CADPS: variants seen among roughly 807,000 people sequenced by gnomAD.
CADPS encodes calcium dependent secretion activator.
CADPS carries 57 observed loss-of-function variants against 167.3 expected under a neutral mutation model. The observed-to-expected ratio is 0.34, with a 90% CI of 0.28 to 0.42. CADPS has a LOEUF of 0.42. CADPS is among the 20% of genes least tolerant of loss of function. The pLI is 1.00. For missense variants in CADPS, 1,414 were observed against 1,738.1 expected (o/e 0.81, Z 3.32); for synonymous variants, 676 against 635.3 (o/e 1.06, Z -0.96).
rs191822525 is a variant in CADPS at position 62,707,633 on chromosome 3, G to A, written c.889-45239C>T. Among the ~76,000 whole-genome samples the A allele has an allele frequency of 1.6e-3, 245 of 152,244 alleles. 2 individuals carry two copies. The highest frequency in any genetic ancestry group is 5.3e-3 in the African/African-American group (220 of 41,508). ...GGTTCACTGTAGCTACTGAGCACTT[G>A]AAATATGGCTAATCTAAGTTGAGTT... On this transcript the variant is annotated intron_variant, in intron 3 of 29. Coordinates refer to ENST00000383710, the MANE Select transcript of CADPS (RefSeq NM_003716.4).
intron 1 of CADPS, among the ~76,000 whole-genome samples, chr3:62,793,804 T>C (rs1265497083): frequency 6.6e-6 from 1 of 152,226 alleles, no homozygotes; most frequent in African/African-American, 2.4e-5. Context: ...CGTGCATGCA[T>C]ATTTGTTTGA....
At chr3:62,406,434 A>G (rs1174987834) in intron 28 of CADPS, among the ~76,000 whole-genome samples, 1 of 152,192 alleles carries the variant, frequency 6.6e-6, no homozygotes, top group Non-Finnish European at 1.5e-5. Context: ...TTAATAAAAT[A>G]TTTTAAGTGC....
At chr3:62,545,585 G>GTTTC (rs142142874) in intron 11 of CADPS, among the ~76,000 whole-genome samples, 3,856 of 152,230 alleles carry the variant, frequency 0.025, 70 homozygotes, top group Middle Eastern at 0.051. Flanking sequence ...TCTCTGTAGA[G>GTTTC]TCACACACAA....
At chr3:62,823,339 G>A (rs1171194527) in intron 1 of CADPS, among the ~76,000 whole-genome samples, 2 of 152,128 alleles carry the variant, frequency 1.3e-5, no homozygotes, top group African/African-American at 4.8e-5. Flanking sequence ...TAGGCATACA[G>A]TGCTGCAATT....
At chr3:62,472,837 A>AG (rs950888523) in intron 24 of CADPS, among the ~76,000 whole-genome samples, 4 of 152,210 alleles carry the variant, frequency 2.6e-5, no homozygotes, top group African/African-American at 9.6e-5. Flanking sequence ...GTCTTCCCCA[A>AG]GGGGGGCTAT....
intron 6 of CADPS, among the ~76,000 whole-genome samples, chr3:62,618,178 T>C (rs1448453223): frequency 6.6e-6 from 1 of 152,160 alleles, no homozygotes; most frequent in Non-Finnish European, 1.5e-5. Flanking sequence ...CATGAGTTAC[T>C]GGTAGCAACC....
At chr3:62,679,358 G>C (rs2076790839) in intron 3 of CADPS, among the ~76,000 whole-genome samples, 1 of 152,054 alleles carries the variant, frequency 6.6e-6, no homozygotes, top group Non-Finnish European at 1.5e-5. Context: ...TCATCCTAGA[G>C]GTGGATGCTG....
rs187741704 is a variant in CADPS, at chr3:62,608,076, T to C, written c.1326-15328A>G. ...AGAGAAATAACTGGACCCTGGTATA[T>C]TGACACTATCACAGCAGAGTGAAAA... is the stretch of plus-strand genomic sequence containing the variant. On this transcript the variant is annotated intron_variant, in intron 6 of 29. Transcript: ENST00000383710. Among the ~76,000 whole-genome samples, 17 of 152,258 alleles carry C rather than the reference T, an allele frequency of 1.1e-4. No individual in the cohort carries two copies. The East Asian group carries it at 3.1e-3, about 28-fold the overall frequency.
chr3:62,634,193 A>G (rs2065829155), intron 6 of CADPS, among the ~76,000 whole-genome samples: 1 of 152,198 alleles, frequency 6.6e-6, no homozygotes, highest in South Asian at 2.1e-4. Flanking sequence ...AATTACCGTT[A>G]TGATATAGCC....
At chr3:62,441,029 A>G (rs2056221519) in intron 27 of CADPS, 1 of 152,258 alleles carries the variant, frequency 6.6e-6, no homozygotes, top group Admixed American at 6.5e-5. Flanking sequence ...ATGCATTTCA[A>G]GTAGATTTCC....
chr3:62,721,642 C>CA (rs1242193539), intron 3 of CADPS, among the ~76,000 whole-genome samples: 6 of 151,958 alleles, frequency 3.9e-5, no homozygotes, highest in African/African-American at 1.4e-4. Flanking sequence ...TTAGATTCAA[C>CA]AAAAAAGCCA....
intron 3 of CADPS, among the ~76,000 whole-genome samples, chr3:62,688,304 T>C (rs2078471606): frequency 6.6e-6 from 1 of 151,998 alleles, no homozygotes; most frequent in African/African-American, 2.4e-5. Flanking sequence ...GGGCAAAATA[T>C]TCTCTATTGA....
chr3:62,569,463 T>G (rs937851471), intron 9 of CADPS, among the ~76,000 whole-genome samples: 1 of 152,188 alleles, frequency 6.6e-6, no homozygotes, highest in Admixed American at 6.5e-5. Flanking sequence ...TAAATCACTT[T>G]AAGGTTTTGT....
intron 1 of CADPS, among the ~76,000 whole-genome samples, chr3:62,826,351 T>C (rs2152961123): frequency 6.6e-6 from 1 of 152,282 alleles, no homozygotes; most frequent in East Asian, 1.9e-4. Flanking sequence ...ACACTCTGAA[T>C]CAGGTTGATG....
chr3:62,824,497 T>C (rs1384881162), intron 1 of CADPS, among the ~76,000 whole-genome samples: 2 of 152,020 alleles, frequency 1.3e-5, no homozygotes, highest in Non-Finnish European at 2.9e-5. Flanking sequence ...TAAAAAGAAA[T>C]CAAGGGTTGC....
chr3:62,463,280 T>C (rs1019399107), intron 26 of CADPS, among the ~76,000 whole-genome samples: 1 of 152,172 alleles, frequency 6.6e-6, no homozygotes, highest in Non-Finnish European at 1.5e-5. Flanking sequence ...CCTTGGTGGA[T>C]TGAATTCTGC....
chr3:62,836,821 T>A (rs1157492355), intron 1 of CADPS, among the ~76,000 whole-genome samples: 1 of 152,104 alleles, frequency 6.6e-6, no homozygotes, highest in Non-Finnish European at 1.5e-5. Context: ...CCACCCCCCG[T>A]TGTCATCAGA....
chr3:62,597,271 C>T (rs930693165), intron 6 of CADPS, among the ~76,000 whole-genome samples: 1 of 152,134 alleles, frequency 6.6e-6, no homozygotes, highest in Non-Finnish European at 1.5e-5. Context: ...ACTTTGAGCC[C>T]AGGACTTTGA....
intron 1 of CADPS, among the ~76,000 whole-genome samples, chr3:62,820,750 CTT>C (rs1291986625): frequency 6.6e-6 from 1 of 151,034 alleles, no homozygotes; most frequent in Non-Finnish European, 1.5e-5. Context: ...CCTTTCTCCT[CTT>C]TACTAGACAA....
Sources: allele counts gnomAD v4.1 joint callset (sites outside exome capture counted in the v4.1 genomes callset), GRCh38; gene constraint gnomAD v4.1.1; transcripts MANE v1.5; gene names NCBI Gene and HGNC (gene_info 2026-07-23, HGNC 2026-07-21).